Variants in EWSR1 observed in about 807,000 individuals in gnomAD.
The protein encoded by EWSR1 is EWS RNA binding protein 1, also known as RNA-binding protein EWS.
Under a neutral mutation model 92.1 loss-of-function variants are expected in EWSR1, and 14 were observed. The observed-to-expected ratio is 0.15, with a 90% CI of 0.10 to 0.24. EWSR1 has a LOEUF of 0.24. Ranked by LOEUF, EWSR1 falls within the 10% of genes least tolerant of loss-of-function variation. The pLI is 1.00. For missense variants in EWSR1, 637 were observed against 870.9 expected (o/e 0.73, Z 3.38); for synonymous variants, 303 against 292.9 (o/e 1.03, Z -0.35).
Position 29,282,498 on chromosome 22 carries a change from G to A in EWSR1, c.522G>A (p.Gln174=), listed in dbSNP as rs963764507. The A allele has an allele frequency of 1.3e-6, 2 of 1,565,540 alleles. No homozygotes were observed. The highest frequency in any genetic ancestry group is 1.7e-6 in the Non-Finnish European group (2 of 1,161,764). The stretch of plus-strand genomic sequence containing the variant: ...GACAGAGTAACTACAGTTATCCCCA[G>A]GTACCTGGGAGCTACCCCATGCAGC... ...GYGQSNYSYP[Q]VPGSYPMQPV... is the part of the protein sequence containing the mutation. The change falls in exon 6 of 17, where the codon CAG becomes CAA. Residue 174 remains glutamine, a synonymous_variant. Transcript: ENST00000397938.
chr22:29,300,478 GTT>G lies in EWSR1; in HGVS notation c.*332_*333del, dbSNP rs76631619. On this transcript the variant is annotated 3_prime_UTR_variant, in exon 17 of 17. Coordinates refer to ENST00000397938, the MANE Select transcript of EWSR1 (RefSeq NM_005243.4). The stretch of plus-strand genomic sequence containing the variant: ...CTGTAACAATGTTCATGGTTGTGAT[GTT>G]TTTTTTTTTTTTTTAAATAAAATTC... 2.0e-3 allele frequency: 375 copies of G among 185,284 alleles called. No individual in the cohort carries two copies. The highest frequency in any genetic ancestry group is 5.2e-3 in the Middle Eastern group (3 of 578). The allele number at this position is 185,284 out of a possible 1,614,324, so 11.5% of individuals were successfully genotyped here.
At chr22:29,274,642 C>G (rs2058960592) in intron 4 of EWSR1, among the ~76,000 whole-genome samples, 1 of 152,120 alleles carries the variant, frequency 6.6e-6, no homozygotes, top group African/African-American at 2.4e-5. Context: ...CTGCATGTAT[C>G]ATGTTTGTCT....
intron 6 of EWSR1, 30 bp from the exon 7 acceptor site, chr22:29,286,892 CT>C (rs754136243): frequency 0.12 from 111,368 of 947,810 alleles, no homozygotes; most frequent in South Asian, 0.15. Context: ...TCTAAAAAAG[CT>C]TTTTTTTTTT....
At chr22:29,278,340 T>G (rs2059280548) in intron 5 of EWSR1, 124 bp downstream of exon 5, 1 of 889,202 alleles carries the variant, frequency 1.1e-6, no homozygotes, top group African/African-American at 1.7e-5. Context: ...CTCTCAGATG[T>G]TCACTGTTAG....
intron 5 of EWSR1, among the ~76,000 whole-genome samples, chr22:29,281,878 G>A (rs930656599): frequency 7.2e-5 from 11 of 151,996 alleles, no homozygotes; most frequent in Non-Finnish European, 1.0e-4. Context: ...AGCCATTCTC[G>A]CCTGGCCTTG....
At chr22:29,297,763 ATGATG>A (rs772150310) in intron 12 of EWSR1, 59 bp from the exon 13 acceptor site, 343 of 1,593,986 alleles carry the variant, frequency 2.2e-4, no homozygotes, top group Non-Finnish European at 2.8e-4. Context: ...TCATTTGATG[ATGATG>A]TGGAGTTGGT....
Position 29,290,251 on chromosome 22 carries a change from C to T in EWSR1, c.975-1311C>T, listed in dbSNP as rs72547484. On this transcript the variant is annotated intron_variant, in intron 8 of 16. Coordinates refer to ENST00000397938, the MANE Select transcript of EWSR1 (RefSeq NM_005243.4). ...TAGACGGGCATTTCCCTCGTTGCCC[C>T]CCTTTTTATTGTGGTGTGGTGATGG... 6.8e-6 allele frequency: 4 copies of T among 588,776 alleles called. 1 individual carries two copies. The highest frequency in any genetic ancestry group is 5.6e-5 in the South Asian group (2 of 35,416). 36.5% of individuals were successfully genotyped at this position (588,776 alleles called of 1,614,324 possible). A position where few individuals can be genotyped will look rare whatever the true frequency, so the allele number is the denominator to read the frequency against.
intron 4 of EWSR1, chr22:29,275,512 T>C (rs1169836620): frequency 4.5e-6 from 1 of 221,032 alleles, no homozygotes; most frequent in Non-Finnish European, 9.0e-6. Context: ...AGAGTGGCCT[T>C]CTTGTCTCCC....
At chr22:29,276,584 C>G (rs1204280448) in intron 4 of EWSR1, 2 of 226,710 alleles carry the variant, frequency 8.8e-6, no homozygotes, top group South Asian at 1.8e-4. Flanking sequence ...AGTCTTGATT[C>G]AGGATTTATT....
At chr22:29,290,600 G>A in intron 8 of EWSR1, 1 of 1,497,468 alleles carries the variant, frequency 6.7e-7, no homozygotes. Flanking sequence ...TTTGGTAACT[G>A]CATACTTGTT....
In EWSR1 at chr22:29,277,880, T is replaced by C. The variant is rs16987356; in HGVS notation, c.227-150T>C. 2,699 of 650,022 alleles carry C rather than the reference T, an allele frequency of 4.2e-3. 77 individuals carry two copies. The African/African-American group carries it at 0.046, about 11-fold the overall frequency. 40.3% of individuals were successfully genotyped at this position (650,022 alleles called of 1,614,324 possible). The stretch of plus-strand genomic sequence containing the variant: ...GAGAACTTAGGCTTTAAATACCAGT[T>C]TGTTGCTACTCTTGCGGAAGGGGGA... On this transcript the variant is annotated intron_variant, in intron 4 of 16. Transcript: ENST00000397938.
rs1181235477 is a variant in EWSR1, at chr22:29,291,560, A to C, written c.975-2A>C. ...CCTTCATTTCTTCGTTTATCCCCCC[A>C]GCAGCGCTGGAGAGCGAGGTGGCTT... is the stretch of plus-strand genomic sequence containing the variant. On this transcript the variant is annotated splice_acceptor_variant, in intron 8 of 16. Coordinates refer to ENST00000397938, the MANE Select transcript of EWSR1 (RefSeq NM_005243.4). LOFTEE classifies it high-confidence loss of function. 2.0e-5 allele frequency: 33 copies of C among 1,613,368 alleles called. No homozygotes were observed. The highest frequency in any genetic ancestry group is 2.7e-5 in the Non-Finnish European group (32 of 1,179,744).
chr22:29,287,156 C>T, intron 7 of EWSR1, 22 bp downstream of exon 7: 1 of 1,608,144 alleles, frequency 6.2e-7, no homozygotes, highest in Non-Finnish European at 8.5e-7. Context: ...AGAGAGAAAA[C>T]CAAATAAGAA....
At chr22:29,268,945 G>A (rs1391882798) in intron 1 of EWSR1, among the ~76,000 whole-genome samples, 6 of 152,234 alleles carry the variant, frequency 3.9e-5, no homozygotes, top group African/African-American at 1.4e-4. Flanking sequence ...CCAGCCCCAA[G>A]CCGAACTTCT....
Position 29,297,804 on chromosome 22 carries a change from G to C in EWSR1, c.1295-23G>C, listed in dbSNP as rs186401027. On this transcript the variant is annotated intron_variant, in intron 12 of 16. Transcript: ENST00000397938. ...GAACAGGGAGTACAGGGGAGTAATT[G>C]ATGTTCTGTTGTCTTGTTCCAGGGA... is the stretch of plus-strand genomic sequence containing the variant. 20 of 1,613,258 alleles carry C rather than the reference G, an allele frequency of 1.2e-5. No homozygotes were observed. The Admixed American group carries it at 2.7e-4, about 22-fold the overall frequency.
intron 10 of EWSR1, 32 bp downstream of exon 10, chr22:29,292,201 G>T (rs771651303): frequency 1.2e-6 from 2 of 1,607,764 alleles, no homozygotes; most frequent in South Asian, 1.1e-5. Flanking sequence ...GCTTCATATC[G>T]TGCTTTGTAA....
At chr22:29,296,567 C>A (rs2060878238) in intron 12 of EWSR1, among the ~76,000 whole-genome samples, 199 bp downstream of exon 12, 2 of 152,204 alleles carry the variant, frequency 1.3e-5, no homozygotes, top group Admixed American at 1.3e-4. Flanking sequence ...ATTAGTATTA[C>A]AAATCAACCT....
intron 4 of EWSR1, chr22:29,274,331 C>G (rs766234921): frequency 2.5e-6 from 4 of 1,599,830 alleles, no homozygotes; most frequent in Non-Finnish European, 3.4e-6. Flanking sequence ...TCCATCTTGT[C>G]TAACCCTGTA....
rs527674873 is a variant in EWSR1, at chr22:29,292,009, C to T, written c.1013-128C>T. 547 of 836,064 alleles carry T rather than the reference C, an allele frequency of 6.5e-4. 2 individuals carry two copies. The highest frequency in any genetic ancestry group is 1.4e-3 in the South Asian group (101 of 71,256). The allele number at this position is 836,064 out of a possible 1,614,324, so 51.8% of individuals were successfully genotyped here. A position where few individuals can be genotyped will look rare whatever the true frequency, so the allele number is the denominator to read the frequency against. On this transcript the variant is annotated intron_variant, in intron 9 of 16. Transcript: ENST00000397938. ...GAGACACTGCTCCATTTTAGCAGTG[C>T]GGGTCATTTTGAGTTTAATGAATCC...
Sources: allele counts gnomAD v4.1 joint callset (sites outside exome capture counted in the v4.1 genomes callset), GRCh38; gene constraint gnomAD v4.1.1; transcripts MANE v1.5; gene names NCBI Gene and HGNC (gene_info 2026-07-23, HGNC 2026-07-21).